SPAG16: variants seen among roughly 807,000 people sequenced by gnomAD.
SPAG16 encodes sperm associated antigen 16.
SPAG16 carries 86 observed loss-of-function variants against 80.4 expected under a neutral mutation model. That is an observed-to-expected ratio of 1.07 (90% CI 0.90 to 1.28). SPAG16 has a LOEUF of 1.28. SPAG16 is among the 50% of genes most tolerant of loss of function. The pLI, the probability that SPAG16 is intolerant of heterozygous loss-of-function variation, is 0.00. For missense variants in SPAG16, 870 were observed against 765.3 expected (o/e 1.14, Z -1.61); for synonymous variants, 294 against 265.9 (o/e 1.11, Z -1.03).
chr2:213,767,655 T>TCACACACACACA (rs3220937), intron 10 of SPAG16, among the ~76,000 whole-genome samples: 21,372 of 147,522 alleles, frequency 0.14, 1,974 homozygotes, highest in South Asian at 0.23. Context: ...ACAACATACT[T>TCACACACACACA]CACACACACA....
intron 10 of SPAG16, among the ~76,000 whole-genome samples, chr2:213,793,174 C>G (rs1326280391): frequency 6.6e-6 from 1 of 151,378 alleles, no homozygotes; most frequent in Admixed American, 6.6e-5. Flanking sequence ...GTGATCCACC[C>G]GCCTCGGCCT....
chr2:213,504,939 G>A (rs544639473), intron 10 of SPAG16, among the ~76,000 whole-genome samples: 8 of 152,256 alleles, frequency 5.3e-5, no homozygotes, highest in East Asian at 3.9e-4. Context: ...CATGCCCTTC[G>A]GAATTTTCCA....
rs2062429924 is a variant in SPAG16 at position 213,637,872 on chromosome 2, T to C, written c.1070+147782T>C. On this transcript the variant is annotated intron_variant, in intron 10 of 15. Coordinates refer to ENST00000331683, the MANE Select transcript of SPAG16 (RefSeq NM_024532.5). Reference sequence around the variant, plus strand: ...CCCGGGTTCATGCCATTCTCCTGGCTCAGCCTCCTGAGTAGCTGGGACTAC... The same window carrying C: ...CCCGGGTTCATGCCATTCTCCTGGCCCAGCCTCCTGAGTAGCTGGGACTAC... Among the ~76,000 whole-genome samples, 5 of 152,166 alleles carry C rather than the reference T, an allele frequency of 3.3e-5. No homozygotes were observed. In the South Asian group the frequency reaches 1.0e-3, roughly 32 times the overall value.
chr2:214,374,868 CTT>C (rs1401020917), intron 15 of SPAG16, among the ~76,000 whole-genome samples: 1 of 152,162 alleles, frequency 6.6e-6, no homozygotes, highest in Non-Finnish European at 1.5e-5. Flanking sequence ...GGCACTGTGT[CTT>C]TTATTTATTT....
intron 12 of SPAG16, among the ~76,000 whole-genome samples, chr2:213,953,941 T>G (rs1010805233): frequency 1.3e-5 from 2 of 152,076 alleles, no homozygotes; most frequent in African/African-American, 4.8e-5. Flanking sequence ...TAAATGAATG[T>G]TGTCAGGAAA....
chr2:214,323,538 A>G (rs1696259810), intron 15 of SPAG16, among the ~76,000 whole-genome samples: 1 of 152,170 alleles, frequency 6.6e-6, no homozygotes. Context: ...GCCACCCCTA[A>G]GTGTATTAAA....
At chr2:213,912,545 C>G (rs2077723368) in intron 11 of SPAG16, among the ~76,000 whole-genome samples, 1 of 152,050 alleles carries the variant, frequency 6.6e-6, no homozygotes, top group African/African-American at 2.4e-5. Context: ...GTGTGCTTTC[C>G]CACCCCTAGA....
In SPAG16 at chr2:214,342,024, G is replaced by A. The variant is rs577777776; in HGVS notation, c.1721-68116G>A. Among the ~76,000 whole-genome samples the A allele has an allele frequency of 4.0e-5, 6 of 150,490 alleles. No individual in the cohort carries two copies. In the East Asian group the frequency reaches 5.8e-4, roughly 15 times the overall value. On this transcript the variant is annotated intron_variant, in intron 15 of 15. Transcript: ENST00000331683. ...GTTGGGGATGTAATAAAGAAAAAAC[G>A]CTACAAGAAAAATTAGAAAAAAATG...
At chr2:214,061,981 G>GCACACACACACACA (rs58582439) in intron 13 of SPAG16, among the ~76,000 whole-genome samples, 30 of 111,532 alleles carry the variant, frequency 2.7e-4, no homozygotes, top group African/African-American at 4.2e-4. Context: ...ATAAAAGCAT[G>GCACACACACACACA]CACACACACA....
chr2:213,938,211 C>A (rs1227328496), intron 12 of SPAG16, among the ~76,000 whole-genome samples: 1 of 152,040 alleles, frequency 6.6e-6, no homozygotes, highest in Admixed American at 6.5e-5. Context: ...TCCAACTCTG[C>A]ACAAAATAAT....
intron 13 of SPAG16, among the ~76,000 whole-genome samples, chr2:214,028,407 G>C (rs1300144789): frequency 6.6e-6 from 1 of 152,018 alleles, no homozygotes; most frequent in East Asian, 1.9e-4. Flanking sequence ...ATGAAGCAAA[G>C]CTATGGCTTG....
chr2:214,012,408 G>T (rs929347229), intron 12 of SPAG16, among the ~76,000 whole-genome samples: 1 of 148,612 alleles, frequency 6.7e-6, no homozygotes, highest in Non-Finnish European at 1.5e-5. Context: ...CGATTCTCCT[G>T]CTTCAGCCTC....
At chr2:213,676,009 T>C (rs1405134243) in intron 10 of SPAG16, among the ~76,000 whole-genome samples, 1 of 152,222 alleles carries the variant, frequency 6.6e-6, no homozygotes, top group African/African-American at 2.4e-5. Context: ...TGATTCTTCC[T>C]ACCCATGAGC....
intron 15 of SPAG16, among the ~76,000 whole-genome samples, chr2:214,326,593 T>C (rs1696498437): frequency 6.6e-6 from 1 of 152,136 alleles, no homozygotes; most frequent in Non-Finnish European, 1.5e-5. Context: ...GTAAGTTGCC[T>C]AAGTTTGCTC....
chr2:213,881,976 A>G (rs2076362355), intron 11 of SPAG16, among the ~76,000 whole-genome samples: 1 of 152,206 alleles, frequency 6.6e-6, no homozygotes, highest in South Asian at 2.1e-4. Flanking sequence ...GGTTCATCAT[A>G]GATGATTCAT....
intron 12 of SPAG16, 56 bp from the exon 13 acceptor site, chr2:214,013,895 A>G (rs2047445927): frequency 1.3e-6 from 2 of 1,525,472 alleles, no homozygotes; most frequent in South Asian, 2.5e-5. Flanking sequence ...TTTTATTAGC[A>G]TTGTATAGAC....
chr2:213,619,836 G>A (rs1401533227), intron 10 of SPAG16, among the ~76,000 whole-genome samples: 2 of 152,002 alleles, frequency 1.3e-5, no homozygotes, highest in African/African-American at 2.4e-5. Flanking sequence ...AAAGGAAGTC[G>A]GTATATTTAA....
intron 13 of SPAG16, among the ~76,000 whole-genome samples, chr2:214,086,969 A>G (rs934025180): frequency 6.6e-6 from 1 of 152,208 alleles, no homozygotes; most frequent in African/African-American, 2.4e-5. Context: ...GATGTCAAGT[A>G]GTTACTACCA....
chr2:213,985,995 G>T (rs1293806792), intron 12 of SPAG16, among the ~76,000 whole-genome samples: 1 of 152,058 alleles, frequency 6.6e-6, no homozygotes, highest in Non-Finnish European at 1.5e-5. Flanking sequence ...AGAAAAAGGA[G>T]TTGTTTTTTG....
Sources: gnomAD v4.1 joint callset for allele counts (sites outside exome capture counted in the v4.1 genomes callset) on GRCh38, gnomAD v4.1.1 for gene constraint, MANE v1.5 for transcripts, NCBI Gene and HGNC (gene_info 2026-07-23, HGNC 2026-07-21) for gene names.